Variants in KNTC1 observed in about 807,000 individuals in gnomAD.
The protein encoded by KNTC1 is kinetochore associated 1, also known as kinetochore-associated protein 1.
A neutral mutation model predicts 314.4 loss-of-function variants in KNTC1; 253 were observed. The observed-to-expected ratio is 0.80, with a 90% confidence interval of 0.73 to 0.89. The LOEUF is 0.89. KNTC1 is among the 40% of genes least tolerant of loss of function. The probability of loss-of-function intolerance (pLI) is 0.00; values close to 1 mark genes in which losing one functional copy is unlikely to be tolerated. For missense variants in KNTC1, 2,475 were observed against 2,572.9 expected (o/e 0.96, Z 0.82); for synonymous variants, 901 against 901.4 (o/e 1.00, Z 0.01).
chr12:122,591,393 G>A lies in KNTC1; in HGVS notation c.4185G>A (p.Gly1395=), dbSNP rs372465253. The A allele has an allele frequency of 5.2e-5, 84 of 1,612,202 alleles. 1 individual carries two copies. Among genetic ancestry groups the A allele is most frequent in the Middle Eastern group, 1.6e-4 (1 of 6,074 alleles). ...LASLYQEIEM[G]LKFRELSTDA... The stretch of plus-strand genomic sequence containing the variant: ...GTCTCTATCAGGAAATAGAAATGGG[G>A]CTTAAGTTCCGTGAACTCAGTACTG... Residue 1395 remains glycine (G), a synonymous_variant, in exon 42 of 64, where the codon GGG becomes GGA. Transcript: ENST00000333479.
At chr12:122,598,703 G>C (rs1191395965) in intron 44 of KNTC1, among the ~76,000 whole-genome samples, 1 of 152,040 alleles carries the variant, frequency 6.6e-6, no homozygotes, top group Non-Finnish European at 1.5e-5. Flanking sequence ...ATACAGAGGT[G>C]AGCCACGAGG....
intron 21 of KNTC1, among the ~76,000 whole-genome samples, chr12:122,568,792 C>T (rs895867577): frequency 2.6e-5 from 4 of 151,622 alleles, no homozygotes; most frequent in Non-Finnish European, 5.9e-5. Context: ...GCCGAGATCA[C>T]GCCACTGCAC....
intron 21 of KNTC1, among the ~76,000 whole-genome samples, 197 bp from the exon 22 acceptor site, chr12:122,569,484 G>T (rs758933576): frequency 6.6e-6 from 1 of 152,048 alleles, no homozygotes; most frequent in Admixed American, 6.6e-5. Context: ...AAACTATTTG[G>T]CACTCAGCGC....
chr12:122,616,504 G>C (rs1014290812), intron 57 of KNTC1, among the ~76,000 whole-genome samples: 2 of 152,064 alleles, frequency 1.3e-5, no homozygotes, highest in Non-Finnish European at 2.9e-5. Flanking sequence ...CTTGTGATCC[G>C]CCTGCCTCGG....
chr12:122,572,701 A>G (rs1201386186), intron 24 of KNTC1, among the ~76,000 whole-genome samples: 2 of 152,144 alleles, frequency 1.3e-5, no homozygotes, highest in African/African-American at 4.8e-5. Context: ...AAAAAGTATT[A>G]TACTAATATT....
At chr12:122,544,865 A>G (rs1208126482) in intron 8 of KNTC1, among the ~76,000 whole-genome samples, 2 of 152,232 alleles carry the variant, frequency 1.3e-5, no homozygotes, top group Admixed American at 6.5e-5. Flanking sequence ...TAAGAACCTT[A>G]GTGTTAGAGA....
At chr12:122,569,237 G>A (rs1593567719) in intron 21 of KNTC1, among the ~76,000 whole-genome samples, 5 of 152,296 alleles carry the variant, frequency 3.3e-5, no homozygotes, top group Admixed American at 3.3e-4. Context: ...TTGTAATGTA[G>A]CATTGGTGAA....
At position 122,585,770 on chromosome 12, in the gene KNTC1, A is replaced by C. The variant is rs745643102; in HGVS notation, c.3669A>C (p.Leu1223=). 6.2e-7 allele frequency: 1 copy of C among 1,613,486 alleles called. No homozygotes were observed. The highest frequency in any genetic ancestry group is 8.5e-7 in the Non-Finnish European group (1 of 1,179,486). ...AACTGATTTCATCTCTTGTGCCTCT[A>C]GCTGGTAAGTCTTATTTGTATCATT... ...IYELISSLVP[L]AESKRYPLES... Residue 1223 remains leucine, a synonymous_variant, in exon 37 of 64, where the codon CTA becomes CTC. Transcript: ENST00000333479.
chr12:122,557,361 G>T, intron 16 of KNTC1, 23 bp from the exon 17 acceptor site: 2 of 1,601,544 alleles, frequency 1.2e-6, no homozygotes, highest in Non-Finnish European at 1.7e-6. Context: ...CAAATTGCTT[G>T]ATGTGGCGTG....
intron 43 of KNTC1, 104 bp downstream of exon 43, chr12:122,594,489 C>A: frequency 1.5e-6 from 1 of 665,778 alleles, no homozygotes; most frequent in South Asian, 1.8e-5. Context: ...CCATAGACCA[C>A]TATTTTCTTT....
chr12:122,555,169 T>A (rs981221309), intron 16 of KNTC1, among the ~76,000 whole-genome samples: 18 of 152,254 alleles, frequency 1.2e-4, no homozygotes, highest in African/African-American at 4.3e-4. Context: ...TACCCCATAG[T>A]GTCATGATGA....
intron 5 of KNTC1, 31 bp downstream of exon 5, chr12:122,539,785 C>A: frequency 2.0e-5 from 21 of 1,066,862 alleles, no homozygotes; most frequent in Non-Finnish European, 2.6e-5. Context: ...TTTTGAATGA[C>A]TTTTTTTTTT....
intron 44 of KNTC1, 125 bp downstream of exon 44, chr12:122,598,063 C>G (rs1007133999): frequency 1.0e-5 from 7 of 697,934 alleles, no homozygotes; most frequent in South Asian, 2.0e-5. Context: ...TTGAAATATT[C>G]TCTTGATTTC....
At chr12:122,546,478 C>G in intron 9 of KNTC1, 144 bp from the exon 10 acceptor site, 1 of 663,662 alleles carries the variant, frequency 1.5e-6, no homozygotes, top group Non-Finnish European at 2.6e-6. Context: ...TTAGTAATCA[C>G]CTAACAGAAA....
chr12:122,602,398 A>G lies in KNTC1; in HGVS notation c.4654-171A>G, dbSNP rs1045491637. 1.6e-5 allele frequency: 8 copies of G among 511,408 alleles called. No homozygotes were observed. The African/African-American group carries it at 1.6e-4, about 10-fold the overall frequency. 31.7% of individuals were successfully genotyped at this position (511,408 alleles called of 1,614,324 possible). A position where few individuals can be genotyped will look rare whatever the true frequency, so the allele number is the denominator to read the frequency against. ...TTCCTTTAATCATTGTATATAAATT[A>G]TAGTTTAGATGAATAATGTTAAAGA... On this transcript the variant is annotated intron_variant, in intron 45 of 63. Coordinates refer to ENST00000333479, the MANE Select transcript of KNTC1 (RefSeq NM_014708.6).
Position 122,610,821 on chromosome 12 carries a change from G to T in KNTC1, c.5544-1G>T. On this transcript the variant is annotated splice_acceptor_variant, in intron 52 of 63. Transcript: ENST00000333479. LOFTEE classifies it high-confidence loss of function. Reference sequence around the variant, plus strand: ...GACTGTAATTAAAATTTTTTTTCCAGAGTGCAGTATCTCCTCCTGTCTCGT... The same window carrying T: ...GACTGTAATTAAAATTTTTTTTCCATAGTGCAGTATCTCCTCCTGTCTCGT... 6.2e-7 allele frequency: 1 copy of T among 1,604,312 alleles called. No homozygotes were observed. Among genetic ancestry groups the T allele is most frequent in the Non-Finnish European group, 8.5e-7 (1 of 1,174,766 alleles).
At chr12:122,606,053 G>A (rs914785203) in intron 51 of KNTC1, among the ~76,000 whole-genome samples, 1 of 151,274 alleles carries the variant, frequency 6.6e-6, no homozygotes, top group East Asian at 1.9e-4. Flanking sequence ...TAGAGACAGG[G>A]TCTCTCACTT....
At chr12:122,575,284 G>A (rs1231957897) in intron 27 of KNTC1, among the ~76,000 whole-genome samples, 3 of 152,066 alleles carry the variant, frequency 2.0e-5, no homozygotes, top group Non-Finnish European at 2.9e-5. Context: ...AAAACCCAGG[G>A]ATTGTAGAGA....
intron 13 of KNTC1, 48 bp from the exon 14 acceptor site, chr12:122,551,271 G>A (rs1335137448): frequency 2.5e-6 from 3 of 1,186,600 alleles, no homozygotes; most frequent in East Asian, 4.9e-5. Flanking sequence ...ATTATAAAAT[G>A]CATTGCTCTT....
Sources: allele counts gnomAD v4.1 joint callset (sites outside exome capture counted in the v4.1 genomes callset), GRCh38; gene constraint gnomAD v4.1.1; transcripts MANE v1.5; gene names NCBI Gene and HGNC (gene_info 2026-07-23, HGNC 2026-07-21).